NME7: variants seen among roughly 807,000 people sequenced by gnomAD.
NME7 encodes nucleoside diphosphate kinase 7.
NME7 carries 41 observed loss-of-function variants against 49.1 expected under a neutral mutation model. The observed-to-expected ratio is 0.83, with a 90% CI of 0.65 to 1.08. The LOEUF is 1.08. Ranked by LOEUF, NME7 falls within the 50% of genes least tolerant of loss-of-function variation. The probability of loss-of-function intolerance (pLI) is 0.00; values close to 1 mark genes in which losing one functional copy is unlikely to be tolerated. For synonymous variants in NME7, 139 were observed against 150.6 expected, an observed-to-expected ratio of 0.92 and a Z score of 0.56; for missense variants, 423 against 463.4, an observed-to-expected ratio of 0.91 and a Z score of 0.80.
intron 10 of NME7, among the ~76,000 whole-genome samples, chr1:169,202,064 C>G (rs1235369520): frequency 6.6e-6 from 1 of 152,146 alleles, no homozygotes; most frequent in Non-Finnish European, 1.5e-5. Context: ...CACCAGATGG[C>G]TAATATTTCT....
intron 7 of NME7, among the ~76,000 whole-genome samples, chr1:169,273,436 C>A (rs2101876596): frequency 7.6e-6 from 1 of 132,068 alleles, no homozygotes; most frequent in South Asian, 2.3e-4. Flanking sequence ...ATATGCACCA[C>A]ACTTTCTTTT....
intron 10 of NME7, among the ~76,000 whole-genome samples, chr1:169,171,364 C>T (rs115988691): frequency 0.014 from 2,187 of 151,706 alleles, 57 homozygotes; most frequent in African/African-American, 0.049. Flanking sequence ...AGAGTAGGAC[C>T]CTGTCTCAAA....
intron 1 of NME7, among the ~76,000 whole-genome samples, chr1:169,348,990 C>T (rs1177270874): frequency 1.3e-5 from 2 of 151,764 alleles, no homozygotes; most frequent in East Asian, 1.9e-4. Context: ...TTGGGCCCTA[C>T]CGCTTTCTAG....
chr1:169,218,978 T>C (rs1661058388), intron 10 of NME7, among the ~76,000 whole-genome samples: 1 of 152,214 alleles, frequency 6.6e-6, no homozygotes, highest in Non-Finnish European at 1.5e-5. Context: ...ATCCAGACTT[T>C]CCTTAGGGAA....
At chr1:169,153,878 T>A (rs949151984) in intron 11 of NME7, among the ~76,000 whole-genome samples, 1 of 151,860 alleles carries the variant, frequency 6.6e-6, no homozygotes, top group Non-Finnish European at 1.5e-5. Context: ...TTTTTTTTTT[T>A]TTTATTTTTT....
chr1:169,272,699 T>C (rs1274716541), intron 7 of NME7, among the ~76,000 whole-genome samples: 2 of 133,334 alleles, frequency 1.5e-5, no homozygotes, highest in African/African-American at 5.1e-5. Flanking sequence ...CTATCATTGA[T>C]GGGCATTTGG....
chr1:169,278,579 T>C (rs1015962360), intron 7 of NME7, among the ~76,000 whole-genome samples: 7 of 152,178 alleles, frequency 4.6e-5, no homozygotes, highest in African/African-American at 1.4e-4. Context: ...ATTCTAGTTA[T>C]ACATTCGTCG....
At chr1:169,349,083 T>C (rs1653056451) in intron 1 of NME7, among the ~76,000 whole-genome samples, 2 of 152,134 alleles carry the variant, frequency 1.3e-5, no homozygotes, top group African/African-American at 4.8e-5. Context: ...GTGATAGATA[T>C]TAACTATTAA....
chr1:169,329,924 G>A (rs1452061344), intron 1 of NME7, among the ~76,000 whole-genome samples: 1 of 152,066 alleles, frequency 6.6e-6, no homozygotes, highest in South Asian at 2.1e-4. Flanking sequence ...CAAGGATAAA[G>A]AAAGAATTCT....
chr1:169,154,928 T>G (rs886593199), intron 11 of NME7, among the ~76,000 whole-genome samples: 2 of 152,056 alleles, frequency 1.3e-5, no homozygotes, highest in African/African-American at 4.8e-5. Context: ...TATAAAGGAT[T>G]TTTTCTTTAT....
chr1:169,331,738 T>C (rs1279926748), intron 1 of NME7, among the ~76,000 whole-genome samples: 1 of 150,690 alleles, frequency 6.6e-6, no homozygotes, highest in Non-Finnish European at 1.5e-5. Context: ...TAAAATAAAA[T>C]ACCTAAGAAT....
chr1:169,225,682 AT>A (rs1647301482), intron 10 of NME7, among the ~76,000 whole-genome samples: 1 of 152,126 alleles, frequency 6.6e-6, no homozygotes, highest in Admixed American at 6.5e-5. Context: ...CAAGTCTAAT[AT>A]TTCCCCCCTC....
intron 1 of NME7, among the ~76,000 whole-genome samples, chr1:169,341,020 G>T (rs1176642833): frequency 2.0e-5 from 3 of 152,206 alleles, no homozygotes; most frequent in East Asian, 1.9e-4. Context: ...GCTGGCTGAA[G>T]AAATTTGCAT....
intron 7 of NME7, among the ~76,000 whole-genome samples, chr1:169,266,185 C>G (rs1415447926): frequency 1.5e-5 from 2 of 132,908 alleles, no homozygotes; most frequent in African/African-American, 2.5e-5. Flanking sequence ...GGCCAATGTC[C>G]TTGATGTACA....
chr1:169,173,175 C>T (rs1055973640), intron 10 of NME7, among the ~76,000 whole-genome samples: 2 of 152,196 alleles, frequency 1.3e-5, no homozygotes, highest in African/African-American at 4.8e-5. Flanking sequence ...CTTTAATGTT[C>T]TTATTTGTAA....
At chr1:169,279,546 C>T (rs1230157036) in intron 7 of NME7, among the ~76,000 whole-genome samples, 3 of 152,194 alleles carry the variant, frequency 2.0e-5, no homozygotes, top group Non-Finnish European at 4.4e-5. Context: ...CAGAAAAGCA[C>T]AGTATTTGGG....
intron 10 of NME7, among the ~76,000 whole-genome samples, chr1:169,172,872 G>A (rs1041338776): frequency 6.6e-6 from 1 of 152,140 alleles, no homozygotes. Flanking sequence ...TTCTTGACTT[G>A]CAATTTATAT....
intron 10 of NME7, among the ~76,000 whole-genome samples, chr1:169,225,988 T>C (rs918885167): frequency 1.3e-5 from 2 of 152,144 alleles, no homozygotes; most frequent in Non-Finnish European, 2.9e-5. Context: ...ATAGAAAAAA[T>C]ATTTAAATAA....
intron 11 of NME7, among the ~76,000 whole-genome samples, chr1:169,140,044 AGT>A (rs902072167): frequency 2.1e-4 from 32 of 152,352 alleles, no homozygotes; most frequent in African/African-American, 7.5e-4. Context: ...AGATAATATC[AGT>A]GTTTTTAGGA....
Sources: allele counts gnomAD v4.1 joint callset (sites outside exome capture counted in the v4.1 genomes callset), GRCh38; gene constraint gnomAD v4.1.1; transcripts MANE v1.5; gene names NCBI Gene and HGNC (gene_info 2026-07-23, HGNC 2026-07-21).